YBX1: variants seen among roughly 807,000 people sequenced by gnomAD.
YBX1 encodes the protein Y-box-binding protein 1.
Under a neutral mutation model 41.4 loss-of-function variants are expected in YBX1, and 3 were observed. The ratio of observed to expected loss-of-function variants is 0.07; its 90% confidence interval spans 0.03 to 0.19. The LOEUF (loss-of-function observed/expected upper bound fraction) is 0.19. Among genes scored for constraint, YBX1 ranks in the 10% least tolerant of loss-of-function variants. The pLI is 1.00. For synonymous variants in YBX1, 133 were observed against 165.8 expected (o/e 0.80, Z 1.52); for missense variants, 274 against 462.8 (o/e 0.59, Z 3.74).
At chr1:42,691,638 A>G (rs998569108) in intron 2 of YBX1, among the ~76,000 whole-genome samples, 2 of 152,210 alleles carry the variant, frequency 1.3e-5, no homozygotes, top group African/African-American at 4.8e-5. Context: ...ATGATGTATT[A>G]CCCAGATACC....
chr1:42,693,457 T>C, intron 2 of YBX1, 33 bp from the exon 3 acceptor site: 1 of 1,612,158 alleles, frequency 6.2e-7, no homozygotes, highest in Non-Finnish European at 8.5e-7. Flanking sequence ...TTATTTCATT[T>C]TCTAACTTGT....
intron 3 of YBX1, among the ~76,000 whole-genome samples, chr1:42,695,095 C>G (rs534610994): frequency 1.3e-4 from 20 of 152,242 alleles, no homozygotes; most frequent in African/African-American, 4.6e-4. Flanking sequence ...CTCAACTCAC[C>G]CAGTTGTACT....
At chr1:42,697,095 T>G in intron 5 of YBX1, 85 bp from the exon 6 acceptor site, 1 of 1,520,778 alleles carries the variant, frequency 6.6e-7, no homozygotes, top group Non-Finnish European at 8.9e-7. Context: ...CTGTTTTGTT[T>G]GTTTTTTAAC....
rs1019339002 is a variant in YBX1 at position 42,702,417 on chromosome 1, G to T, written c.*468G>T. Reference sequence around the variant, plus strand: ...TATTTAGCTATTTATAGGACCCTTAGCTTGACCCAGTCTACAAATAGATGA... The same window carrying T: ...TATTTAGCTATTTATAGGACCCTTATCTTGACCCAGTCTACAAATAGATGA... On this transcript the variant is annotated 3_prime_UTR_variant, in exon 8 of 8. Transcript: ENST00000321358. 1 of 152,584 alleles carries T rather than the reference G, an allele frequency of 6.6e-6. No homozygotes were observed. The highest frequency in any genetic ancestry group is 2.4e-5 in the African/African-American group (1 of 41,430). The allele number at this position is 152,584 out of a possible 1,614,324, so 9.5% of individuals were successfully genotyped here. A position where few individuals can be genotyped will look rare whatever the true frequency, so the allele number is the denominator to read the frequency against.
chr1:42,685,764 T>C (rs774926072), intron 2 of YBX1, among the ~76,000 whole-genome samples: 5 of 152,224 alleles, frequency 3.3e-5, no homozygotes, highest in Non-Finnish European at 7.3e-5. Context: ...CAATATTGTA[T>C]GTAAATTTTC....
rs377288453 is a variant in YBX1 at position 42,702,006 on chromosome 1, T to G, written c.*57T>G. 1.9e-5 allele frequency: 3 copies of G among 156,934 alleles called. No homozygotes were observed. The highest frequency in any genetic ancestry group is 4.1e-4 in the South Asian group (2 of 4,830). 9.7% of individuals were successfully genotyped at this position (156,934 alleles called of 1,614,324 possible). ...TTTAGTCATCCAACAAGAAGAAATATGAAATTCCAGCAATAAGAAATGAAC... is the reference window on the plus strand; with the variant it reads ...TTTAGTCATCCAACAAGAAGAAATAGGAAATTCCAGCAATAAGAAATGAAC... On this transcript the variant is annotated 3_prime_UTR_variant, in exon 8 of 8. Coordinates refer to ENST00000321358, the MANE Select transcript of YBX1 (RefSeq NM_004559.5).
At chr1:42,697,976 A>G (rs1039625757) in intron 6 of YBX1, among the ~76,000 whole-genome samples, 1 of 152,216 alleles carries the variant, frequency 6.6e-6, no homozygotes. Context: ...TTGAGTTTTC[A>G]TAGGTGATCC....
At chr1:42,686,252 G>C (rs560536383) in intron 2 of YBX1, among the ~76,000 whole-genome samples, 6 of 152,272 alleles carry the variant, frequency 3.9e-5, no homozygotes, top group Admixed American at 3.3e-4. Context: ...TGGAGCAGAG[G>C]TCACAAATTT....
intron 3 of YBX1, among the ~76,000 whole-genome samples, chr1:42,694,342 A>G (rs368886334): frequency 9.2e-5 from 14 of 152,346 alleles, no homozygotes; most frequent in African/African-American, 3.1e-4. Flanking sequence ...GATATGCTGT[A>G]GGCTACATTG....
intron 6 of YBX1, among the ~76,000 whole-genome samples, chr1:42,698,389 C>G (rs1650513473): frequency 6.6e-6 from 1 of 152,170 alleles, no homozygotes; most frequent in South Asian, 2.1e-4. Context: ...ATCTCTGATT[C>G]AGTTTTCTAC....
intron 1 of YBX1, 195 bp downstream of exon 1, chr1:42,682,926 G>T (rs1650077082): frequency 1.5e-5 from 2 of 137,114 alleles, no homozygotes; most frequent in South Asian, 5.8e-4. Flanking sequence ...ACTGCCTCCC[G>T]CGCCCCCTGT....
intron 1 of YBX1, 145 bp from the exon 2 acceptor site, chr1:42,683,258 G>A: frequency 3.2e-6 from 3 of 940,622 alleles, no homozygotes; most frequent in Non-Finnish European, 5.1e-6. Flanking sequence ...CGGCGACTGC[G>A]TGGCCCCGCA....
chr1:42,694,504 C>G (rs527823443), intron 3 of YBX1, among the ~76,000 whole-genome samples: 122 of 152,142 alleles, frequency 8.0e-4, no homozygotes, highest in Non-Finnish European at 1.5e-3. Context: ...ATCAAAAGAC[C>G]TAAAAGTTAA....
chr1:42,687,599 T>A (rs185872343), intron 2 of YBX1, among the ~76,000 whole-genome samples: 3 of 152,200 alleles, frequency 2.0e-5, no homozygotes, highest in African/African-American at 7.2e-5. Context: ...GGTGATTTTT[T>A]TTTCTTTTTT....
chr1:42,691,834 A>T (rs1650345840), intron 2 of YBX1, among the ~76,000 whole-genome samples: 2 of 152,282 alleles, frequency 1.3e-5, no homozygotes, highest in South Asian at 4.1e-4. Context: ...TAATGCAGAT[A>T]GTGCTCCCTA....
At position 42,703,290 on chromosome 1, in the gene YBX1, A is replaced by AG. The variant is rs1249003422; in HGVS notation, c.*1342dup. 2.6e-5 allele frequency among the ~76,000 whole-genome samples: 4 copies of AG among 152,076 alleles called. No homozygotes were observed. In the East Asian group the frequency reaches 7.8e-4, roughly 29 times the overall value. ...GGCTTGCTTTGTGAAATAGTCATGT[A>AG]GTTGATAGTGACTGCTGCCCCGAAA... On this transcript the variant is annotated 3_prime_UTR_variant, in exon 8 of 8. Coordinates refer to ENST00000321358, the MANE Select transcript of YBX1 (RefSeq NM_004559.5).
chr1:42,692,589 G>A (rs1650365819), intron 2 of YBX1, among the ~76,000 whole-genome samples: 1 of 152,228 alleles, frequency 6.6e-6, no homozygotes, highest in African/African-American at 2.4e-5. Context: ...GAAGCTAACA[G>A]TCAGTAAGCC....
Position 42,703,029 on chromosome 1 carries a change from G to A in YBX1, c.*1080G>A, listed in dbSNP as rs1308690899. ...GCAACCTCCACCTCTAGGTTTAAGCGATTCTCCTGCCTCGGCCACCTTAGT... is the reference window on the plus strand; with the variant it reads ...GCAACCTCCACCTCTAGGTTTAAGCAATTCTCCTGCCTCGGCCACCTTAGT... On this transcript the variant is annotated 3_prime_UTR_variant, in exon 8 of 8. Coordinates refer to ENST00000321358, the MANE Select transcript of YBX1 (RefSeq NM_004559.5). Among the ~76,000 whole-genome samples, 1 of 152,214 alleles carries A rather than the reference G, an allele frequency of 6.6e-6. No individual in the cohort carries two copies. Among genetic ancestry groups the A allele is most frequent in the Middle Eastern group, 3.4e-3 (1 of 294 alleles).
chr1:42,684,420 A>G (rs1650141177), intron 2 of YBX1, among the ~76,000 whole-genome samples: 1 of 152,250 alleles, frequency 6.6e-6, no homozygotes, highest in Non-Finnish European at 1.5e-5. Flanking sequence ...ACTTAGTGCC[A>G]TCTCAGCATT....
Sources: gnomAD v4.1 joint callset for allele counts (sites outside exome capture counted in the v4.1 genomes callset) on GRCh38, gnomAD v4.1.1 for gene constraint, MANE v1.5 for transcripts, NCBI Gene and HGNC (gene_info 2026-07-23, HGNC 2026-07-21) for gene names.